Variants in TENM1 observed in about 807,000 individuals in gnomAD.
TENM1 encodes the protein teneurin transmembrane protein 1, also known as teneurin-1.
Under a neutral mutation model 174.8 loss-of-function variants are expected in TENM1, and 35 were observed. The observed-to-expected ratio is 0.20, with a 90% confidence interval of 0.15 to 0.27. TENM1 has a LOEUF of 0.27. Among genes scored for constraint, TENM1 ranks in the 10% least tolerant of loss-of-function variants. The pLI is 1.00. For missense variants in TENM1, 1,633 were observed against 2,130.1 expected (o/e 0.77, Z 4.59); for synonymous variants, 781 against 798.7 (o/e 0.98, Z 0.37).
intron 5 of TENM1, among the ~76,000 whole-genome samples, chrX:124,700,502 A>T (rs2052751378): frequency 8.9e-6 from 1 of 111,760 alleles, no homozygotes; most frequent in Non-Finnish European, 1.9e-5. Context: ...TATAAAGACA[A>T]TCCTTGAAGA....
intron 27 of TENM1, 63 bp downstream of exon 30, chrX:124,404,968 C>CA: frequency 9.7e-7 from 1 of 1,026,922 alleles, no homozygotes; most frequent in Non-Finnish European, 1.4e-6. Context: ...AACAAACAAA[C>CA]AAACAAACAA....
chrX:124,584,729 A>G (rs1041128070), intron 11 of TENM1, among the ~76,000 whole-genome samples: 2 of 111,737 alleles, frequency 1.8e-5, no homozygotes, highest in Non-Finnish European at 3.8e-5. Flanking sequence ...CAATTAAAAG[A>G]CACAGACTGG....
intron 12 of TENM1, 84 bp downstream of exon 15, chrX:124,565,291 C>A: frequency 1.3e-6 from 1 of 755,941 alleles, no homozygotes; most frequent in Admixed American, 3.5e-5. Context: ...TCAAATTCTA[C>A]TAAATGCCTT....
At position 124,563,774 on chromosome X, in the gene TENM1, T is replaced by TA. The variant is rs750391237; in HGVS notation, c.2264-3dup. ...CTCGGACAGCATCTAAGTAGTGAGC[T>TA]AAAAGGGAGGGGAAAAGAGTGATCA... On this transcript the variant is annotated splice_region_variant and splice_polypyrimidine_tract_variant and intron_variant, in intron 12 of 31. Coordinates refer to ENST00000422452, the Ensembl canonical transcript of TENM1. 1.2e-3 allele frequency: 1,429 copies of TA among 1,189,772 alleles called. No homozygotes were observed. The highest frequency in any genetic ancestry group is 1.4e-3 in the Non-Finnish European group (1,260 of 882,034).
chrX:124,827,527 G>A (rs1459167803), intron 3 of TENM1, among the ~76,000 whole-genome samples: 1 of 111,818 alleles, frequency 8.9e-6, no homozygotes, highest in Non-Finnish European at 1.9e-5. Flanking sequence ...AAGTGAATCT[G>A]AGGAAATCCT....
At chrX:124,662,681 A>G in intron 6 of TENM1, among the ~76,000 whole-genome samples, 1 of 110,529 alleles carries the variant, frequency 9.0e-6, no homozygotes, top group Non-Finnish European at 1.9e-5. Context: ...TCTCCTAAAA[A>G]TGTACTCCTC....
At chrX:124,483,725 A>C (rs1364759381) in intron 21 of TENM1, among the ~76,000 whole-genome samples, 1 of 112,025 alleles carries the variant, frequency 8.9e-6, no homozygotes, top group African/African-American at 3.2e-5. Context: ...CTAGAGACCT[A>C]CTTGTGTGCA....
intron 11 of TENM1, among the ~76,000 whole-genome samples, chrX:124,597,511 G>A (rs949453698): frequency 1.8e-5 from 2 of 110,646 alleles, no homozygotes; most frequent in Admixed American, 9.7e-5. Flanking sequence ...CGGAGTATGG[G>A]GACTTGAGGG....
intron 22 of TENM1, among the ~76,000 whole-genome samples, chrX:124,460,302 A>G (rs1002774294): frequency 8.9e-6 from 1 of 111,861 alleles, no homozygotes; most frequent in South Asian, 3.8e-4. Flanking sequence ...AGCACTGTTC[A>G]CAGTAGCAAA....
the TENM1 span, among the ~76,000 whole-genome samples, chrX:125,202,091 G>A: frequency 3.7e-3 from 407 of 111,236 alleles, 2 homozygotes; most frequent in Non-Finnish European, 5.5e-3. Flanking sequence ...TCCCTTTCTT[G>A]GTAACACTGG....
At chrX:124,816,845 A>C (rs945517703) in intron 3 of TENM1, among the ~76,000 whole-genome samples, 4 of 110,697 alleles carry the variant, frequency 3.6e-5, no homozygotes, top group African/African-American at 1.3e-4. Flanking sequence ...TTTTAATAAT[A>C]GCTTAATTTA....
intron 23 of TENM1, among the ~76,000 whole-genome samples, chrX:124,448,732 C>G (rs1364895840): frequency 1.8e-5 from 2 of 111,894 alleles, no homozygotes; most frequent in African/African-American, 6.5e-5. Context: ...ACACAGTCTA[C>G]TGTGGGAGAC....
intron 4 of TENM1, among the ~76,000 whole-genome samples, chrX:124,735,469 T>C (rs980038373): frequency 2.7e-5 from 3 of 112,206 alleles, no homozygotes; most frequent in Non-Finnish European, 5.6e-5. Context: ...GGTGAAAATG[T>C]GGAGAAAAGG....
chrX:124,448,688 C>T (rs1002499149), intron 23 of TENM1, among the ~76,000 whole-genome samples: 1 of 111,884 alleles, frequency 8.9e-6, no homozygotes, highest in African/African-American at 3.2e-5. Flanking sequence ...GTTAACTGTA[C>T]CTGCTGAGCC....
the TENM1 span, among the ~76,000 whole-genome samples, chrX:124,990,713 A>G: frequency 1.8e-5 from 2 of 112,409 alleles, no homozygotes; most frequent in East Asian, 5.6e-4. Flanking sequence ...TGACACATTA[A>G]CATACTCTCA....
chrX:124,530,031 T>A, intron 15 of TENM1, 48 bp from the exon 19 acceptor site: 1 of 1,170,374 alleles, frequency 8.5e-7, no homozygotes, highest in African/African-American at 1.8e-5. Context: ...TGAGACTAGA[T>A]TCTAGAAGTC....
chrX:125,038,405 C>A, the TENM1 span, among the ~76,000 whole-genome samples: 17,040 of 109,796 alleles, frequency 0.16, 1,177 homozygotes, highest in African/African-American at 0.24. Context: ...TAATGCCAAA[C>A]CTCATTGATA....
the TENM1 span, among the ~76,000 whole-genome samples, chrX:125,178,801 G>C: frequency 0.033 from 3,636 of 110,779 alleles, 171 homozygotes; most frequent in African/African-American, 0.11. Flanking sequence ...GGACTGACAG[G>C]AAATATGCAC....
chrX:124,467,560 T>C (rs1388288386), intron 22 of TENM1, among the ~76,000 whole-genome samples: 1 of 111,888 alleles, frequency 8.9e-6, no homozygotes, highest in Non-Finnish European at 1.9e-5. Flanking sequence ...GGGTCCTTGA[T>C]GAACCTGCTC....
Sources: allele counts gnomAD v4.1 joint callset (sites outside exome capture counted in the v4.1 genomes callset), GRCh38; gene constraint gnomAD v4.1.1; transcripts MANE v1.5; gene names NCBI Gene and HGNC (gene_info 2026-07-23, HGNC 2026-07-21).